The following DCAF8 variants were observed in gnomAD, a reference collection of about 807,000 sequenced individuals.
DCAF8 encodes DDB1 and CUL4 associated factor 8.
In DCAF8, 20 loss-of-function variants were observed where a neutral mutation model predicts 68.0. That is an observed-to-expected ratio of 0.29 (90% CI 0.21 to 0.43). The LOEUF is 0.43. Ranked by LOEUF, DCAF8 falls within the 20% of genes least tolerant of loss-of-function variation. The probability of loss-of-function intolerance (pLI) is 1.00; values close to 1 mark genes in which losing one functional copy is unlikely to be tolerated. For synonymous variants in DCAF8, 230 were observed against 276.9 expected, an observed-to-expected ratio of 0.83 and a Z score of 1.68; for missense variants, 460 against 771.0, an observed-to-expected ratio of 0.60 and a Z score of 4.78.
At chr1:160,218,571 T>C in intron 12 of DCAF8, 131 bp from the exon 13 acceptor site, 2 of 814,536 alleles carry the variant, frequency 2.5e-6, no homozygotes, top group Non-Finnish European at 2.0e-6. Flanking sequence ...GATTAGGAAA[T>C]GATGCCCTAG....
chr1:160,246,641 G>A (rs555539486), intron 2 of DCAF8, among the ~76,000 whole-genome samples: 6 of 152,100 alleles, frequency 3.9e-5, no homozygotes, highest in African/African-American at 1.2e-4. Flanking sequence ...AATCAGTCAA[G>A]GAGGCAGAGA....
intron 2 of DCAF8, among the ~76,000 whole-genome samples, chr1:160,247,549 C>T (rs561714006): frequency 6.6e-6 from 1 of 152,286 alleles, no homozygotes; most frequent in East Asian, 1.9e-4. Flanking sequence ...CTACGTATCC[C>T]TTGTCCGGTG....
In DCAF8 at chr1:160,240,127, C is replaced by T. The variant is rs368652723; in HGVS notation, c.293G>A (p.Arg98His). Residue 98 changes from arginine to histidine, a missense_variant, in exon 4 of 14, where the codon CGC (arginine) becomes CAC (histidine). Physicochemically the swap from Arg to His is conservative, Grantham distance 29 (BLOSUM62 0). Transcript: ENST00000368074. ...TTCCTCCTCTTCCTCTTCCTCTGAG[C>T]GGTCATGGACTCGATTTTCATCATT... Reference protein sequence around the residue: ...SINDENRVHDRSEEEEEEEEE... With the variant: ...SINDENRVHDHSEEEEEEEEE... The T allele has an allele frequency of 6.2e-6, 10 of 1,613,716 alleles. No homozygotes were observed. The highest frequency in any genetic ancestry group is 1.1e-5 in the South Asian group (1 of 91,030).
chr1:160,225,753 C>A (rs1655452158), intron 7 of DCAF8, 90 bp from the exon 8 acceptor site: 1 of 992,016 alleles, frequency 1.0e-6, no homozygotes. Context: ...AAACTGCCAG[C>A]TGGATGCAGA....
In DCAF8 at chr1:160,239,908, T is replaced by G. The variant is rs1373868718; in HGVS notation, c.512A>C (p.Tyr171Ser). The G allele has an allele frequency of 6.2e-7, 1 of 1,614,210 alleles. No individual in the cohort carries two copies. Among genetic ancestry groups the G allele is most frequent in the South Asian group, 1.1e-5 (1 of 91,086 alleles). The stretch of plus-strand genomic sequence containing the variant: ...AAAGACTCTTGCCCCACAGGCCTCA[T>G]AGACAAAGCGGGCACTTGAACCCAG... Reference protein sequence around the residue: ...RELGSSARFVYEACGARVFVQ... With the variant: ...RELGSSARFVSEACGARVFVQ... Residue 171 changes from tyrosine to serine, a missense_variant, in exon 4 of 14, where the codon TAT (tyrosine) becomes TCT (serine). By Grantham distance (144) the Tyr-to-Ser change is moderately radical. Around this residue, in one of 8 missense-constraint regions of DCAF8, gnomAD observed 170 missense variants for 318.2 expected, o/e 0.53. Coordinates refer to ENST00000368074, the MANE Select transcript of DCAF8 (RefSeq NM_015726.4).
At chr1:160,242,787 A>C (rs1656171045) in intron 3 of DCAF8, among the ~76,000 whole-genome samples, 1 of 152,190 alleles carries the variant, frequency 6.6e-6, no homozygotes, top group Non-Finnish European at 1.5e-5. Flanking sequence ...TATTCCAATA[A>C]AACTTTACAA....
chr1:160,261,164 GAAC>G (rs1205167999), intron 2 of DCAF8, 118 bp downstream of exon 2: 3 of 152,238 alleles, frequency 2.0e-5, no homozygotes, highest in South Asian at 4.1e-4. Context: ...ACAAAGCCAA[GAAC>G]AACACTCAAG....
At chr1:160,257,679 T>C (rs953523071) in intron 2 of DCAF8, among the ~76,000 whole-genome samples, 1 of 152,220 alleles carries the variant, frequency 6.6e-6, no homozygotes, top group Non-Finnish European at 1.5e-5. Flanking sequence ...TGTCTTAGGT[T>C]GGTCCTACTC....
chr1:160,236,213 T>TA (rs1311641321), intron 6 of DCAF8, among the ~76,000 whole-genome samples: 1 of 151,912 alleles, frequency 6.6e-6, no homozygotes, highest in Non-Finnish European at 1.5e-5. Context: ...AGCTAAAACT[T>TA]AATCAATTTC....
intron 13 of DCAF8, chr1:160,218,059 T>A (rs1448383950): frequency 1.9e-6 from 1 of 521,776 alleles, no homozygotes; most frequent in Middle Eastern, 5.0e-4. Context: ...ACTTGTTATT[T>A]CTTCTCAATT....
chr1:160,244,109 T>A, intron 2 of DCAF8, 75 bp from the exon 3 acceptor site: 1 of 1,065,316 alleles, frequency 9.4e-7, no homozygotes, highest in South Asian at 1.3e-5. Flanking sequence ...ACAAGGAGAT[T>A]TAACAATGTA....
chr1:160,230,191 G>A (rs976652986), intron 7 of DCAF8, among the ~76,000 whole-genome samples: 3 of 152,138 alleles, frequency 2.0e-5, no homozygotes, highest in Admixed American at 1.3e-4. Flanking sequence ...TATTCCCCAT[G>A]ATTCTTATTA....
intron 8 of DCAF8, 125 bp from the exon 9 acceptor site, chr1:160,225,244 G>A (rs1655429520): frequency 3.3e-6 from 3 of 921,060 alleles, no homozygotes; most frequent in Non-Finnish European, 5.0e-6. Context: ...GACAGACAGA[G>A]ACAAGAGTAC....
Position 160,259,526 on chromosome 1 carries a change from G to A in DCAF8, c.-27+1759C>T, listed in dbSNP as rs143664509. Among the ~76,000 whole-genome samples the A allele has an allele frequency of 2.7e-4, 31 of 114,256 alleles. No individual in the cohort carries two copies. In the East Asian group the frequency reaches 6.7e-3, roughly 25 times the overall value. The allele number at this position is 114,256 out of a possible 152,430, so 75.0% of individuals were successfully genotyped here. ...CCAGCCTGGTGACAGAGCAAGACTC[G>A]TCAAAAAACAAACAAACAAACAAAA... On this transcript the variant is annotated intron_variant, in intron 2 of 13. Coordinates refer to ENST00000368074, the MANE Select transcript of DCAF8 (RefSeq NM_015726.4).
At chr1:160,253,647 CAAAAAAAAAAAAAA>C (rs747211563) in intron 2 of DCAF8, among the ~76,000 whole-genome samples, 2,240 of 27,010 alleles carry the variant, frequency 0.083, 92 homozygotes, top group African/African-American at 0.17. Context: ...GACTCCATCT[CAAAAAAAAAAAAAA>C]AAAAAAAAAA....
intron 5 of DCAF8, 59 bp downstream of exon 5, chr1:160,238,548 T>C (rs2101739793): frequency 2.6e-6 from 4 of 1,511,910 alleles, no homozygotes; most frequent in East Asian, 2.5e-5. Context: ...AGGGAGAACC[T>C]TGGCTGAGAA....
rs145804942 is a variant in DCAF8, at chr1:160,230,808, G to T, written c.1070+489C>A. Among the ~76,000 whole-genome samples, 278 of 151,148 alleles carry T rather than the reference G, an allele frequency of 1.8e-3. 4 individuals are homozygous for T. The East Asian group carries it at 0.028, about 15-fold the overall frequency. ...GCTCTGTCATTCAGGCTGGAGTGCA[G>T]TGGCACAATCTTGGCTCATTGCAAC... On this transcript the variant is annotated intron_variant, in intron 7 of 13. Transcript: ENST00000368074.
chr1:160,222,385 AC>A (rs1347832116), intron 11 of DCAF8, among the ~76,000 whole-genome samples: 1 of 152,228 alleles, frequency 6.6e-6, no homozygotes, highest in Non-Finnish European at 1.5e-5. Context: ...GAGATAAGTT[AC>A]ATCACTCAGG....
At chr1:160,243,855 G>A in intron 3 of DCAF8, 105 bp downstream of exon 3, 1 of 1,121,686 alleles carries the variant, frequency 8.9e-7, no homozygotes, top group Non-Finnish European at 1.3e-6. Flanking sequence ...ACACAGGAAA[G>A]TTTCCCTCTC....
Sources: gnomAD v4.1 joint callset for allele counts (sites outside exome capture counted in the v4.1 genomes callset) on GRCh38, gnomAD v4.1.1 for gene constraint, gnomAD v4.1.1 regional missense constraint, MANE v1.5 for transcripts, NCBI Gene and HGNC (gene_info 2026-07-23, HGNC 2026-07-21) for gene names.